PRKAG3: variants seen among roughly 807,000 people sequenced by gnomAD.
The protein encoded by PRKAG3 is protein kinase AMP-activated non-catalytic subunit gamma 3, also known as 5'-AMP-activated protein kinase subunit gamma-3.
PRKAG3 carries 39 observed loss-of-function variants against 56.5 expected under a neutral mutation model. The ratio of observed to expected loss-of-function variants is 0.69; its 90% CI spans 0.53 to 0.90. The LOEUF is 0.90. Among genes scored for constraint, PRKAG3 ranks in the 40% least tolerant of loss-of-function variants. The pLI, the probability that PRKAG3 is intolerant of heterozygous loss-of-function variation, is 0.00. For missense variants in PRKAG3, 628 were observed against 627.5 expected, an observed-to-expected ratio of 1.00 and a Z score of -0.01; for synonymous variants, 243 against 250.1, an observed-to-expected ratio of 0.97 and a Z score of 0.27.
chr2:218,826,783 CAG>C lies in PRKAG3; in HGVS notation c.1168+143_1168+144del. 2.7e-6 allele frequency: 3 copies of C among 1,094,552 alleles called. No homozygotes were observed. The South Asian group carries it at 4.1e-5, about 15-fold the overall frequency. 67.8% of individuals were successfully genotyped at this position (1,094,552 alleles called of 1,614,324 possible). Reference sequence around the variant, plus strand: ...GAGGCTAAGCAACTTGCCCAAGTCTCAGAGTAGACGGAGACTTCTAATCCCCA... The same window carrying C: ...GAGGCTAAGCAACTTGCCCAAGTCTCAGTAGACGGAGACTTCTAATCCCCA... On this transcript the variant is annotated intron_variant, in intron 10 of 12. Coordinates refer to ENST00000529249, the Ensembl canonical transcript of PRKAG3.
Position 218,827,729 on chromosome 2 carries a change from G to A in PRKAG3, c.821-100C>T. The stretch of plus-strand genomic sequence containing the variant: ...CCGTCAGGCACCCGAGGCTCCTATT[G>A]TCCCTCCCCTGTTCACTCCAGGACA... On this transcript the variant is annotated intron_variant, in intron 7 of 12. Coordinates refer to ENST00000529249, the Ensembl canonical transcript of PRKAG3. This position sits in a 1 kb window ranked among gnomAD's most constrained non-coding sequence, Gnocchi z 5.3. 6.4e-7 allele frequency: 1 copy of A among 1,561,650 alleles called. No homozygotes were observed. The highest frequency in any genetic ancestry group is 8.8e-7 in the Non-Finnish European group (1 of 1,133,020).
At chr2:218,829,472 C>A (rs1037797004) in intron 4 of PRKAG3, among the ~76,000 whole-genome samples, 1 of 151,998 alleles carries the variant, frequency 6.6e-6, no homozygotes, top group East Asian at 1.9e-4. Flanking sequence ...AGGCGCCCAC[C>A]ACCACGGCCG....
rs1190871971 is a variant in PRKAG3, at chr2:218,824,379, G to A, written c.1207-11C>T. The A allele has an allele frequency of 1.2e-6, 2 of 1,614,132 alleles. No individual in the cohort carries two copies. The highest frequency in any genetic ancestry group is 1.7e-6 in the Non-Finnish European group (2 of 1,180,008). On this transcript the variant is annotated splice_polypyrimidine_tract_variant and intron_variant, in intron 11 of 12. Coordinates refer to ENST00000529249, the Ensembl canonical transcript of PRKAG3. The stretch of plus-strand genomic sequence containing the variant: ...CTGGGCAGCCAGGTGCTGGGGCAGA[G>A]AGAGAAGTATGGCTCCTAGTCACCC...
Position 218,827,664 on chromosome 2 carries a change from G to C in PRKAG3, c.821-35C>G. ...GAGCCAGAGTCAGGCCAGGGGAGCC[G>C]GTCACCTGCCTCACCTTGCAGTCCC... On this transcript the variant is annotated intron_variant, in intron 7 of 12. Transcript: ENST00000529249. This position sits in a 1 kb window ranked among gnomAD's most constrained non-coding sequence, Gnocchi z 5.3. The C allele has an allele frequency of 1.2e-6, 2 of 1,609,756 alleles. No homozygotes were observed. Among genetic ancestry groups the C allele is most frequent in the Admixed American group, 1.7e-5 (1 of 60,008 alleles).
At chr2:218,829,916 T>G in intron 4 of PRKAG3, 62 bp downstream of exon 4, 2 of 1,529,192 alleles carry the variant, frequency 1.3e-6, no homozygotes, top group South Asian at 2.4e-5. Context: ...AGGGTGGGAG[T>G]GGCGGCTGCA....
At chr2:218,825,803 C>A (rs1236092987) in intron 10 of PRKAG3, among the ~76,000 whole-genome samples, 1 of 146,974 alleles carries the variant, frequency 6.8e-6, no homozygotes, top group Non-Finnish European at 1.5e-5. Context: ...TGTTGCCAGG[C>A]TGGAGTACAG....
rs985612946 is a variant in PRKAG3 at position 218,829,892 on chromosome 2, G to C, written c.633+86C>G. On this transcript the variant is annotated intron_variant, in intron 4 of 12. Transcript: ENST00000529249. ...GGGGCTTGCAGGGGCACCTGGCTCA[G>C]CAGGGCATCCTGCAGGGTGGGAGTG... The C allele has an allele frequency of 1.2e-5, 18 of 1,552,082 alleles. No homozygotes were observed. The African/African-American group carries it at 1.8e-4, about 15-fold the overall frequency.
At chr2:218,831,477 A>G in intron 1 of PRKAG3, 102 bp from the exon 2 acceptor site, 1 of 1,121,250 alleles carries the variant, frequency 8.9e-7, no homozygotes, top group Middle Eastern at 2.0e-4. Flanking sequence ...ACCAATACAC[A>G]CGCTCAGACA....
In PRKAG3 at chr2:218,827,907, C is replaced by T. The variant is rs1478721527; in HGVS notation, c.775-29G>A. On this transcript the variant is annotated intron_variant, in intron 6 of 12. Coordinates refer to ENST00000529249, the Ensembl canonical transcript of PRKAG3. This position sits in a 1 kb window ranked among gnomAD's most constrained non-coding sequence, Gnocchi z 5.3. ...GAGACATCGACAGGACTCCAGAAGT[C>T]AGAAAGACGTGGGCTTCTAGGGCAC... The T allele has an allele frequency of 6.2e-7, 1 of 1,613,572 alleles. No individual in the cohort carries two copies. The highest frequency in any genetic ancestry group is 8.5e-7 in the Non-Finnish European group (1 of 1,179,730).
exon 3 of PRKAG3, chr2:218,830,816 C>T: frequency 2.5e-6 from 4 of 1,613,614 alleles, no homozygotes; most frequent in Admixed American, 3.3e-5. Context: ...CTTTGGCCCT[C>T]CGTTTCCCAC....
rs1447186784 is a variant in PRKAG3, at chr2:218,831,185, A to C, written c.73+151T>G. ...AGAGGAAATTGGAGGTGAGGGAAAC[A>C]CACCTGGGGAAAGGAGGAAGAACAA... is the stretch of plus-strand genomic sequence containing the variant. On this transcript the variant is annotated intron_variant, in intron 2 of 12. Coordinates refer to ENST00000529249, the Ensembl canonical transcript of PRKAG3. 5.6e-6 allele frequency: 4 copies of C among 713,234 alleles called. No individual in the cohort carries two copies. In the Admixed American group the frequency reaches 8.7e-5, roughly 16 times the overall value. 44.2% of individuals were successfully genotyped at this position (713,234 alleles called of 1,614,324 possible).
Position 218,827,741 on chromosome 2 carries a change from T to C in PRKAG3, c.820+92A>G. On this transcript the variant is annotated intron_variant, in intron 7 of 12. Coordinates refer to ENST00000529249, the Ensembl canonical transcript of PRKAG3. This position sits in a 1 kb window ranked among gnomAD's most constrained non-coding sequence, Gnocchi z 5.3. ...CGAGGCTCCTATTGTCCCTCCCCTG[T>C]TCACTCCAGGACATCCCCACTGCCC... 1 of 1,560,672 alleles carries C rather than the reference T, an allele frequency of 6.4e-7. No individual in the cohort carries two copies. The highest frequency in any genetic ancestry group is 8.8e-7 in the Non-Finnish European group (1 of 1,131,888).
intron 10 of PRKAG3, among the ~76,000 whole-genome samples, chr2:218,825,249 T>A (rs1943914680): frequency 6.6e-6 from 1 of 151,428 alleles, no homozygotes; most frequent in Non-Finnish European, 1.5e-5. Context: ...GGCAGGAGAA[T>A]TGCTTGAATC....
intron 1 of PRKAG3, 27 bp downstream of exon 1, chr2:218,831,711 G>A: frequency 6.2e-7 from 1 of 1,606,102 alleles, no homozygotes; most frequent in Non-Finnish European, 8.5e-7. Flanking sequence ...AGCTGCCCCG[G>A]CTCCGGCTCC....
At chr2:218,828,165 C>T in intron 5 of PRKAG3, 103 bp from the exon 6 acceptor site, 2 of 1,133,954 alleles carry the variant, frequency 1.8e-6, no homozygotes, top group Non-Finnish European at 2.6e-6. Flanking sequence ...TGTGCTGAGA[C>T]ACAGTGGGGA....
chr2:218,823,635 G>T lies in PRKAG3; in HGVS notation c.*127C>A, dbSNP rs896988458. 4.6e-5 allele frequency: 73 copies of T among 1,582,994 alleles called. No individual in the cohort carries two copies. Among genetic ancestry groups the T allele is most frequent in the Middle Eastern group, 4.0e-4 (2 of 5,052 alleles). ...TAAGAGGCTGGTGTCATGGCCCAGG[G>T]CAGAGCCTACCTGAATCATAGCTGA... On this transcript the variant is annotated 3_prime_UTR_variant, in exon 13 of 13. Coordinates refer to ENST00000529249, the Ensembl canonical transcript of PRKAG3.
chr2:218,828,011 G>C, exon 6 of PRKAG3: 3 of 1,572,772 alleles, frequency 1.9e-6, no homozygotes, highest in East Asian at 2.3e-5. Flanking sequence ...CACCAGGGGG[G>C]ACCTGTAGTA....
chr2:218,829,371 A>T (rs922797764), intron 4 of PRKAG3, among the ~76,000 whole-genome samples: 1 of 149,696 alleles, frequency 6.7e-6, no homozygotes, highest in Admixed American at 6.7e-5. Flanking sequence ...CCCGGGCTGG[A>T]GTGCAGTGGC....
chr2:218,824,014 G>T, intron 12 of PRKAG3, 136 bp from the exon 13 acceptor site: 1 of 1,197,836 alleles, frequency 8.3e-7, no homozygotes, highest in Non-Finnish European at 1.2e-6. Flanking sequence ...GTTAGGGATG[G>T]TGTGACCGGC....
Sources: gnomAD v4.1 joint callset for allele counts (sites outside exome capture counted in the v4.1 genomes callset) on GRCh38, gnomAD v4.1.1 for gene constraint, Gnocchi (gnomAD v3.1) non-coding constraint, MANE v1.5 for transcripts, NCBI Gene and HGNC (gene_info 2026-07-23, HGNC 2026-07-21) for gene names.